The following SAMMSON variants were observed in gnomAD, a reference collection of about 807,000 sequenced individuals.
SAMMSON encodes survival associated mitochondrial melanoma specific oncogenic non-coding RNA, also known as long intergenic non-protein coding RNA 1212.
intron 3 of SAMMSON, among the ~76,000 whole-genome samples, chr3:70,021,220 A>G (rs2067012130): frequency 6.6e-6 from 1 of 152,142 alleles, no homozygotes; most frequent in Non-Finnish European, 1.5e-5. Flanking sequence ...AGGCCACCAA[A>G]ACACATTTCC....
chr3:70,326,628 A>G (rs1702581742), intron 7 of SAMMSON, among the ~76,000 whole-genome samples: 1 of 152,148 alleles, frequency 6.6e-6, no homozygotes, highest in African/African-American at 2.4e-5. Flanking sequence ...AAAGAATATT[A>G]CGAGAGTTTT....
chr3:70,076,789 A>G (rs1036634353), intron 4 of SAMMSON, among the ~76,000 whole-genome samples: 1 of 152,200 alleles, frequency 6.6e-6, no homozygotes. Context: ...ATGCGTTTCT[A>G]CCACACTAAT....
chr3:70,390,635 G>A (rs1302225165), downstream of SAMMSON, among the ~76,000 whole-genome samples: 1 of 151,986 alleles, frequency 6.6e-6, no homozygotes, highest in East Asian at 1.9e-4. Context: ...CACAAAGGCA[G>A]CACTATGCCA....
chr3:70,031,382 G>C (rs145417820), intron 3 of SAMMSON, among the ~76,000 whole-genome samples: 66 of 152,016 alleles, frequency 4.3e-4, no homozygotes, highest in African/African-American at 1.6e-3. Flanking sequence ...CCAGGGTTTG[G>C]GGGAGATAGG....
chr3:70,303,894 G>T (rs950058940), intron 7 of SAMMSON, among the ~76,000 whole-genome samples: 1 of 152,060 alleles, frequency 6.6e-6, no homozygotes, highest in East Asian at 1.9e-4. Flanking sequence ...TGTTGGCCAG[G>T]TTGGTCTAAA....
At chr3:70,248,141 G>C (rs1039514296) in intron 4 of SAMMSON, among the ~76,000 whole-genome samples, 9 of 152,002 alleles carry the variant, frequency 5.9e-5, no homozygotes, top group African/African-American at 7.2e-5. Context: ...ATTATTCTCT[G>C]TCCTGAAGTC....
chr3:70,398,192 G>A (rs1217684264), intron 2 of SAMMSON, among the ~76,000 whole-genome samples: 1 of 152,048 alleles, frequency 6.6e-6, no homozygotes, highest in African/African-American at 2.4e-5. Context: ...TCTATGGGTG[G>A]TTTAAATATG....
chr3:70,388,874 C>G lies in SAMMSON; in HGVS notation n.914-700C>G, dbSNP rs76773645. 6.6e-3 allele frequency among the ~76,000 whole-genome samples: 1,011 copies of G among 152,146 alleles called. 37 individuals are homozygous for G. In the East Asian group the frequency reaches 0.11, roughly 17 times the overall value. ...CAAAACCCATGTTGAAATTTGATCC[C>G]TAATGTGGCAGTGTTGGGAGGTTGG... is the stretch of plus-strand genomic sequence containing the variant. On this transcript the variant is annotated intron_variant and non_coding_transcript_variant, in intron 9 of 9. Coordinates refer to ENST00000642114, the Ensembl canonical transcript of SAMMSON.
chr3:70,352,285 T>C (rs571868642), intron 7 of SAMMSON, among the ~76,000 whole-genome samples: 8 of 152,134 alleles, frequency 5.3e-5, no homozygotes, highest in South Asian at 2.1e-4. Flanking sequence ...CACCTTACTT[T>C]AGTGGCAGGT....
At chr3:70,087,120 C>T (rs1312628286) in intron 4 of SAMMSON, among the ~76,000 whole-genome samples, 1 of 152,100 alleles carries the variant, frequency 6.6e-6, no homozygotes, top group Non-Finnish European at 1.5e-5. Context: ...TGAGGATTCA[C>T]TATATTGAAG....
chr3:70,135,071 C>T (rs1248116722), intron 4 of SAMMSON, among the ~76,000 whole-genome samples: 2 of 152,206 alleles, frequency 1.3e-5, no homozygotes, highest in East Asian at 3.9e-4. Flanking sequence ...CAGCTTAAAT[C>T]TTTATTTTTC....
chr3:70,074,946 G>A (rs1363407912), intron 4 of SAMMSON: 7 of 152,010 alleles, frequency 4.6e-5, no homozygotes, highest in African/African-American at 1.4e-4. Flanking sequence ...ATACCCCTGG[G>A]TGCAATAAAA....
At chr3:70,397,301 ATCT>A (rs1475611058) in intron 2 of SAMMSON, among the ~76,000 whole-genome samples, 2 of 151,914 alleles carry the variant, frequency 1.3e-5, no homozygotes, top group Middle Eastern at 3.2e-3. Context: ...AGGTTCCTCA[ATCT>A]TCTTCTTTTT....
chr3:70,286,330 T>G lies in SAMMSON; in HGVS notation n.675-4849T>G, dbSNP rs201968208. The stretch of plus-strand genomic sequence containing the variant: ...TTAAATAGGGAATCCTTTCCCCATT[T>G]CTTGTTTTTGTCAGGTTTGTCAAAG... On this transcript the variant is annotated intron_variant and non_coding_transcript_variant, in intron 6 of 9. Coordinates refer to ENST00000642114, the Ensembl canonical transcript of SAMMSON. Among the ~76,000 whole-genome samples the G allele has an allele frequency of 3.5e-3, 530 of 152,172 alleles. 16 individuals carry two copies. In the East Asian group the frequency reaches 0.062, roughly 18 times the overall value.
chr3:70,306,067 G>T (rs565244523), intron 7 of SAMMSON, among the ~76,000 whole-genome samples: 2 of 151,996 alleles, frequency 1.3e-5, no homozygotes, highest in African/African-American at 4.8e-5. Flanking sequence ...AAGTTTAGAG[G>T]CATTTCCTCC....
chr3:70,241,465 A>T (rs35908063), intron 4 of SAMMSON, among the ~76,000 whole-genome samples: 51,177 of 152,048 alleles, frequency 0.34, 9,717 homozygotes, highest in East Asian at 0.59. Flanking sequence ...GAAAAGAATT[A>T]TTAGGGCTAA....
chr3:70,086,174 G>C (rs536872571), intron 4 of SAMMSON, among the ~76,000 whole-genome samples: 1 of 152,168 alleles, frequency 6.6e-6, no homozygotes, highest in African/African-American at 2.4e-5. Context: ...CTTTGGTGCT[G>C]ACAAAAATCT....
At chr3:70,121,975 A>G (rs530807183) in intron 4 of SAMMSON, among the ~76,000 whole-genome samples, 19 of 152,296 alleles carry the variant, frequency 1.2e-4, no homozygotes, top group Non-Finnish European at 2.4e-4. Flanking sequence ...ACTCAGAGGG[A>G]CACCACCATT....
intron 4 of SAMMSON, among the ~76,000 whole-genome samples, chr3:70,151,193 A>G (rs929984195): frequency 2.6e-5 from 4 of 152,070 alleles, no homozygotes; most frequent in Non-Finnish European, 4.4e-5. Context: ...GGAAGCAGCT[A>G]TCATGCCTAA....
Sources: gnomAD v4.1 joint callset for allele counts (sites outside exome capture counted in the v4.1 genomes callset) on GRCh38, gnomAD v4.1.1 for gene constraint, MANE v1.5 for transcripts, NCBI Gene and HGNC (gene_info 2026-07-23, HGNC 2026-07-21) for gene names.